Variants in KCNQ5 observed in about 807,000 individuals in gnomAD.
KCNQ5 encodes potassium voltage-gated channel subfamily Q member 5.
In KCNQ5, 30 loss-of-function variants were observed where a neutral mutation model predicts 98.2. The observed-to-expected ratio is 0.31, with a 90% CI of 0.23 to 0.41. The LOEUF (loss-of-function observed/expected upper bound fraction) is 0.41, where lower values mean the gene tolerates loss of function less well. KCNQ5 is among the 10% of genes least tolerant of loss of function. The pLI is 1.00. For synonymous variants in KCNQ5, 458 were observed against 449.4 expected (o/e 1.02, Z -0.24); for missense variants, 835 against 1,182.5 (o/e 0.71, Z 4.31).
intron 1 of KCNQ5, among the ~76,000 whole-genome samples, chr6:72,707,908 C>A (rs1769171123): frequency 6.6e-6 from 1 of 152,098 alleles, no homozygotes; most frequent in Non-Finnish European, 1.5e-5. Context: ...TGATCTCGAA[C>A]TCCTGGCTTC....
chr6:72,655,018 GTCTGTCTGTCTT>G (rs1444867048), intron 1 of KCNQ5, among the ~76,000 whole-genome samples: 27 of 90,612 alleles, frequency 3.0e-4, no homozygotes, highest in African/African-American at 1.6e-3. Flanking sequence ...AATAGCCAAG[GTCTGTCTGTCTT>G]TCTTTCTTTC....
At chr6:72,952,983 G>A (rs1766879141) in intron 1 of KCNQ5, among the ~76,000 whole-genome samples, 1 of 152,174 alleles carries the variant, frequency 6.6e-6, no homozygotes. Flanking sequence ...TGAGGATCCA[G>A]TAATGTGCTC....
At position 73,032,854 on chromosome 6, in the gene KCNQ5, G is replaced by T. The variant is rs374926151; in HGVS notation, c.490-9082G>T. Among the ~76,000 whole-genome samples, 9 of 152,028 alleles carry T rather than the reference G, an allele frequency of 5.9e-5. No individual in the cohort carries two copies. The South Asian group carries it at 1.5e-3, about 25-fold the overall frequency. On this transcript the variant is annotated intron_variant, in intron 2 of 13. Transcript: ENST00000370398. Reference sequence around the variant, plus strand: ...GGACAACAAAAAAAACCTCAGTAAGGCTCCTCCACAAAGGGCACCACTTCA... The same window carrying T: ...GGACAACAAAAAAAACCTCAGTAAGTCTCCTCCACAAAGGGCACCACTTCA...
chr6:73,141,597 A>C (rs888600311), intron 10 of KCNQ5, among the ~76,000 whole-genome samples: 1 of 152,154 alleles, frequency 6.6e-6, no homozygotes, highest in African/African-American at 2.4e-5. Flanking sequence ...CTGTTGGTGG[A>C]TAAAATAGCT....
intron 1 of KCNQ5, among the ~76,000 whole-genome samples, chr6:72,916,502 C>T (rs1242606707): frequency 2.0e-5 from 3 of 152,132 alleles, no homozygotes; most frequent in Non-Finnish European, 4.4e-5. Flanking sequence ...CACTTCACTC[C>T]CCCTTACAAA....
At chr6:72,776,489 T>A (rs989245683) in intron 1 of KCNQ5, among the ~76,000 whole-genome samples, 6 of 152,232 alleles carry the variant, frequency 3.9e-5, no homozygotes, top group African/African-American at 1.4e-4. Context: ...AATTTTTTTG[T>A]TAGTAATTAT....
At chr6:73,010,425 A>T (rs983451521) in intron 2 of KCNQ5, among the ~76,000 whole-genome samples, 7 of 152,116 alleles carry the variant, frequency 4.6e-5, no homozygotes, top group African/African-American at 1.7e-4. Flanking sequence ...AAGGTGAAAG[A>T]CTAAAACTTT....
chr6:72,838,184 C>T (rs1776598710), intron 1 of KCNQ5, among the ~76,000 whole-genome samples: 2 of 146,036 alleles, frequency 1.4e-5, no homozygotes, highest in Admixed American at 7.1e-5. Context: ...CCCTCTGTCA[C>T]CAACTCTCTA....
At chr6:72,950,725 G>A (rs1452673276) in intron 1 of KCNQ5, among the ~76,000 whole-genome samples, 5 of 152,164 alleles carry the variant, frequency 3.3e-5, no homozygotes, top group Admixed American at 1.3e-4. Flanking sequence ...GGGCTGGAGC[G>A]GTAGAACAAT....
chr6:73,150,240 G>A (rs960464788), intron 10 of KCNQ5, among the ~76,000 whole-genome samples: 6 of 151,856 alleles, frequency 4.0e-5, no homozygotes, highest in Middle Eastern at 3.4e-3. Flanking sequence ...CAAAGAAGCC[G>A]GATCACTTAC....
intron 1 of KCNQ5, among the ~76,000 whole-genome samples, chr6:72,758,526 A>G (rs1194867993): frequency 1.3e-5 from 2 of 152,144 alleles, no homozygotes; most frequent in Non-Finnish European, 2.9e-5. Flanking sequence ...TCTCCTAACT[A>G]AGAGCTTAGG....
At chr6:72,943,407 C>A (rs1354365000) in intron 1 of KCNQ5, among the ~76,000 whole-genome samples, 1 of 152,112 alleles carries the variant, frequency 6.6e-6, no homozygotes, top group African/African-American at 2.4e-5. Context: ...CAGAAAATAG[C>A]AATCATTCTC....
chr6:72,640,048 T>G (rs1582026308), intron 1 of KCNQ5, among the ~76,000 whole-genome samples: 1 of 152,158 alleles, frequency 6.6e-6, no homozygotes, highest in African/African-American at 2.4e-5. Flanking sequence ...AAGGCCCTGA[T>G]AGAGTTCAGG....
intron 1 of KCNQ5, among the ~76,000 whole-genome samples, chr6:72,962,445 A>G (rs1214730775): frequency 6.6e-6 from 1 of 151,778 alleles, no homozygotes; most frequent in Non-Finnish European, 1.5e-5. Context: ...TCACTACCAT[A>G]CAATTCATCC....
At chr6:72,696,415 C>T (rs1447923770) in intron 1 of KCNQ5, among the ~76,000 whole-genome samples, 1 of 152,110 alleles carries the variant, frequency 6.6e-6, no homozygotes, top group Non-Finnish European at 1.5e-5. Flanking sequence ...ATGTTTTCTC[C>T]TATTCATCAT....
chr6:72,668,278 A>T (rs1466191246), intron 1 of KCNQ5, among the ~76,000 whole-genome samples: 3 of 152,222 alleles, frequency 2.0e-5, no homozygotes, highest in Non-Finnish European at 4.4e-5. Context: ...ATATAATTCA[A>T]CTGCATTGAC....
chr6:72,873,375 C>T (rs1230129161), intron 1 of KCNQ5, among the ~76,000 whole-genome samples: 1 of 152,070 alleles, frequency 6.6e-6, no homozygotes, highest in Non-Finnish European at 1.5e-5. Flanking sequence ...GTGTGCCCTT[C>T]CTGAAGTATA....
intron 10 of KCNQ5, among the ~76,000 whole-genome samples, chr6:73,143,200 G>T (rs142159164): frequency 2.1e-3 from 314 of 152,270 alleles, no homozygotes; most frequent in Non-Finnish European, 3.4e-3. Context: ...ATCAAAGTTG[G>T]ATGATCAACA....
chr6:72,782,711 T>C (rs1044621622), intron 1 of KCNQ5, among the ~76,000 whole-genome samples: 1 of 152,116 alleles, frequency 6.6e-6, no homozygotes, highest in African/African-American at 2.4e-5. Context: ...GATAAAACCA[T>C]AATACCTGGT....
Sources: allele counts gnomAD v4.1 joint callset (sites outside exome capture counted in the v4.1 genomes callset), GRCh38; gene constraint gnomAD v4.1.1; transcripts MANE v1.5; gene names NCBI Gene and HGNC (gene_info 2026-07-23, HGNC 2026-07-21).